Variants in GTF2IRD1 observed in about 807,000 individuals in gnomAD.
GTF2IRD1 encodes the protein GTF2I repeat domain containing 1, also known as general transcription factor II-I repeat domain-containing protein 1.
GTF2IRD1 carries 26 observed loss-of-function variants against 113.2 expected under a neutral mutation model. That is an observed-to-expected ratio of 0.23 (90% CI 0.17 to 0.32). The LOEUF is 0.32. GTF2IRD1 is among the 10% of genes least tolerant of loss of function. The probability of loss-of-function intolerance (pLI) is 1.00; values close to 1 mark genes in which losing one functional copy is unlikely to be tolerated. For missense variants in GTF2IRD1, 864 were observed against 1,280.8 expected (o/e 0.67, Z 4.97); for synonymous variants, 484 against 529.1 (o/e 0.91, Z 1.17).
Position 74,555,243 on chromosome 7 carries a change from G to T in GTF2IRD1, c.1966+20G>T. The T allele has an allele frequency of 2.5e-6, 4 of 1,611,220 alleles. No homozygotes were observed. Among genetic ancestry groups the T allele is most frequent in the African/African-American group, 1.3e-5 (1 of 75,006 alleles). On this transcript the variant is annotated intron_variant, in intron 18 of 26. Coordinates refer to ENST00000424337, the MANE Select transcript of GTF2IRD1 (RefSeq NM_005685.4). The surrounding 1 kb of genome is among the most constrained non-coding windows in gnomAD (Gnocchi z 5.3). ...GTCAAGGTACCCAGCGCGGGGTCGG[G>T]AGCCATGGTGTGGGCGGGCAAGGGA... is the stretch of plus-strand genomic sequence containing the variant.
chr7:74,535,360 G>GA (rs1314701780), intron 10 of GTF2IRD1, among the ~76,000 whole-genome samples: 2 of 152,330 alleles, frequency 1.3e-5, no homozygotes, highest in East Asian at 1.9e-4. Flanking sequence ...GCCCTGGACA[G>GA]AGAGTACTAA....
intron 22 of GTF2IRD1, among the ~76,000 whole-genome samples, chr7:74,566,047 G>A (rs1800294125): frequency 7.2e-6 from 1 of 138,310 alleles, no homozygotes; most frequent in African/African-American, 2.8e-5. Context: ...ACCCTAAAGA[G>A]AAATGCAAAT....
chr7:74,500,678 G>A (rs1360751639), intron 1 of GTF2IRD1, among the ~76,000 whole-genome samples: 4 of 152,032 alleles, frequency 2.6e-5, no homozygotes, highest in Non-Finnish European at 4.4e-5. Flanking sequence ...CACACCCGTC[G>A]CATTTGCATG....
Position 74,540,039 on chromosome 7 carries a change from C to G in GTF2IRD1, c.1618+71C>G, listed in dbSNP as rs1250048631. On this transcript the variant is annotated intron_variant, in intron 14 of 26. Coordinates refer to ENST00000424337, the MANE Select transcript of GTF2IRD1 (RefSeq NM_005685.4). ...AGGGAGCAAAGGGAAAGGGGTGGGC[C>G]AGGCCGTCCCCAGGTGTTTCTTGGT... The G allele has an allele frequency of 8.7e-5, 94 of 1,082,652 alleles. 1 individual carries two copies. Among genetic ancestry groups the G allele is most frequent in the Non-Finnish European group, 1.9e-5 (13 of 701,010 alleles). 67.1% of individuals were successfully genotyped at this position (1,082,652 alleles called of 1,614,324 possible).
At chr7:74,556,790 A>ATTTTTTTTTT (rs587648610) in intron 19 of GTF2IRD1, among the ~76,000 whole-genome samples, 105 of 132,662 alleles carry the variant, frequency 7.9e-4, no homozygotes, top group Admixed American at 1.0e-3. Context: ...TGCCTGGCTA[A>ATTTTTTTTTT]TTTTTGTATT....
At chr7:74,466,314 G>A (rs782509543) in intron 1 of GTF2IRD1, among the ~76,000 whole-genome samples, 15 of 152,142 alleles carry the variant, frequency 9.9e-5, no homozygotes, top group Non-Finnish European at 2.1e-4. Context: ...CCTGGAGGAC[G>A]GTGATTTGGA....
At chr7:74,507,487 T>G (rs782294642) in intron 1 of GTF2IRD1, 4 of 152,022 alleles carry the variant, frequency 2.6e-5, no homozygotes, top group Non-Finnish European at 4.4e-5. Flanking sequence ...AAAATTAAAT[T>G]TAAAATTTAA....
intron 24 of GTF2IRD1, among the ~76,000 whole-genome samples, chr7:74,591,374 C>CTTTT (rs782483943): frequency 1.9e-4 from 22 of 118,050 alleles, no homozygotes; most frequent in South Asian, 2.7e-4. Flanking sequence ...CAGTGATTCT[C>CTTTT]TTTTTTTTTT....
Position 74,505,053 on chromosome 7 carries a change from T to C in GTF2IRD1, c.-6-3022T>C, listed in dbSNP as rs186575198. Among the ~76,000 whole-genome samples the C allele has an allele frequency of 1.3e-3, 197 of 152,148 alleles. 3 individuals carry two copies. Among genetic ancestry groups the C allele is most frequent in the South Asian group, 0.011 (54 of 4,814 alleles). On this transcript the variant is annotated intron_variant, in intron 1 of 26. Coordinates refer to ENST00000424337, the MANE Select transcript of GTF2IRD1 (RefSeq NM_005685.4). ...TTTTATTTAAAAGACAGGGTCTTGC[T>C]GTGTCACCCAGGCTGGAGTGCAGTG...
At chr7:74,504,705 CTTTTTTT>C (rs561437934) in intron 1 of GTF2IRD1, among the ~76,000 whole-genome samples, 11 of 116,138 alleles carry the variant, frequency 9.5e-5, no homozygotes, top group East Asian at 2.5e-4. Context: ...AGAATTTTTA[CTTTTTTT>C]TTTTTTTTTT....
intron 25 of GTF2IRD1, among the ~76,000 whole-genome samples, chr7:74,597,046 C>CTT (rs782516833): frequency 6.9e-6 from 1 of 145,958 alleles, no homozygotes; most frequent in East Asian, 2.0e-4. Flanking sequence ...GACCCCATCT[C>CTT]TTTTTTTTTT....
chr7:74,601,591 G>A (rs187893309), intron 26 of GTF2IRD1: 1,028 of 737,174 alleles, frequency 1.4e-3, no homozygotes, highest in Non-Finnish European at 1.6e-3. Flanking sequence ...TGACCAACAC[G>A]GGGAAACCCC....
At chr7:74,582,854 G>T (rs1801496763) in intron 22 of GTF2IRD1, among the ~76,000 whole-genome samples, 1 of 151,782 alleles carries the variant, frequency 6.6e-6, no homozygotes, top group Non-Finnish European at 1.5e-5. Flanking sequence ...AAAAAATGTA[G>T]CCTGGGCAAC....
At chr7:74,479,853 A>G (rs1382158895) in intron 1 of GTF2IRD1, among the ~76,000 whole-genome samples, 5 of 151,056 alleles carry the variant, frequency 3.3e-5, no homozygotes, top group African/African-American at 4.9e-5. Context: ...CCTGGGTTCA[A>G]ACAATTCTCC....
chr7:74,550,519 C>T (rs587634413), intron 17 of GTF2IRD1, among the ~76,000 whole-genome samples: 5 of 150,512 alleles, frequency 3.3e-5, no homozygotes, highest in East Asian at 4.0e-4. Flanking sequence ...GCCAGGAGGT[C>T]GAGGCTGCAG....
At chr7:74,471,289 A>T (rs552224648) in intron 1 of GTF2IRD1, among the ~76,000 whole-genome samples, 11 of 152,216 alleles carry the variant, frequency 7.2e-5, no homozygotes, top group African/African-American at 2.4e-4. Context: ...TAATCCCAGC[A>T]CTTTGGAAGA....
intron 19 of GTF2IRD1, among the ~76,000 whole-genome samples, chr7:74,556,230 T>G (rs1583876034): frequency 6.7e-6 from 1 of 150,008 alleles, no homozygotes; most frequent in Non-Finnish European, 1.5e-5. Flanking sequence ...CCAGCCTGGG[T>G]GACAGAGCAA....
intron 6 of GTF2IRD1, among the ~76,000 whole-genome samples, chr7:74,521,007 C>T (rs587743037): frequency 3.3e-5 from 5 of 151,980 alleles, no homozygotes; most frequent in Admixed American, 6.6e-5. Flanking sequence ...ACCTGGCTTT[C>T]GGCTAGCAGA....
chr7:74,473,266 T>C (rs1177310290), intron 1 of GTF2IRD1, among the ~76,000 whole-genome samples: 1 of 152,108 alleles, frequency 6.6e-6, no homozygotes, highest in African/African-American at 2.4e-5. Context: ...AGGGGAGAGA[T>C]CTTGGCCGGT....
Sources: allele counts gnomAD v4.1 joint callset (sites outside exome capture counted in the v4.1 genomes callset), GRCh38; gene constraint gnomAD v4.1.1; non-coding constraint Gnocchi (gnomAD v3.1); transcripts MANE v1.5; gene names NCBI Gene and HGNC (gene_info 2026-07-23, HGNC 2026-07-21).